Variants in RALGPS1 observed in about 807,000 individuals in gnomAD.
RALGPS1 encodes ras-specific guanine nucleotide-releasing factor RalGPS1.
In RALGPS1, 19 loss-of-function variants were observed where a neutral mutation model predicts 78.8. The ratio of observed to expected loss-of-function variants is 0.24; its 90% CI spans 0.17 to 0.35. The LOEUF (loss-of-function observed/expected upper bound fraction) is 0.35, where lower values mean the gene tolerates loss of function less well. Ranked by LOEUF, RALGPS1 falls within the 10% of genes least tolerant of loss-of-function variation. The pLI is 1.00. For synonymous variants in RALGPS1, 228 were observed against 256.3 expected (o/e 0.89, Z 1.06); for missense variants, 454 against 688.3 (o/e 0.66, Z 3.81).
At chr9:126,991,365 A>G (rs1166716653) in intron 4 of RALGPS1, among the ~76,000 whole-genome samples, 1 of 151,974 alleles carries the variant, frequency 6.6e-6, no homozygotes, top group Admixed American at 6.6e-5. Context: ...TTGATCCAAC[A>G]CTTTGCAACT....
chr9:126,949,686 T>G (rs1213135828), intron 1 of RALGPS1, among the ~76,000 whole-genome samples: 1 of 152,226 alleles, frequency 6.6e-6, no homozygotes, highest in Non-Finnish European at 1.5e-5. Context: ...TAAATTTGTC[T>G]GAGTTCATTG....
intron 4 of RALGPS1, among the ~76,000 whole-genome samples, chr9:127,029,609 T>C (rs902293224): frequency 6.6e-6 from 1 of 152,180 alleles, no homozygotes; most frequent in African/African-American, 2.4e-5. Context: ...GCGTTTTCCA[T>C]GTGGACACGT....
intron 3 of RALGPS1, among the ~76,000 whole-genome samples, chr9:126,966,670 T>A (rs1216033633): frequency 2.6e-5 from 4 of 152,150 alleles, no homozygotes; most frequent in African/African-American, 9.7e-5. Flanking sequence ...GGTTATAGAT[T>A]CCAGGTAATT....
chr9:126,920,102 AG>A lies in RALGPS1; in HGVS notation c.-66+5130del, dbSNP rs140312423. Among the ~76,000 whole-genome samples the A allele has an allele frequency of 5.7e-3, 862 of 152,286 alleles. 28 individuals are homozygous for A. In the East Asian group the frequency reaches 0.082, roughly 14 times the overall value. ...TTTTGCCTGTGTCTCTACTCTGCAC[AG>A]GGAAAGTCTCCTGCTTTCTTTGCTG... On this transcript the variant is annotated intron_variant, in intron 1 of 18. Transcript: ENST00000259351.
In RALGPS1 at chr9:126,927,127, G is replaced by A. The variant is rs559718637; in HGVS notation, c.-66+12152G>A. On this transcript the variant is annotated intron_variant, in intron 1 of 18. Transcript: ENST00000259351. ...TCAGAGTCCTCTGTAGTGTTTGCGG[G>A]GAGGGAGGCTGGTAGTCTTATGTTT... is the stretch of plus-strand genomic sequence containing the variant. 3.1e-4 allele frequency among the ~76,000 whole-genome samples: 47 copies of A among 152,258 alleles called. 1 individual carries two copies. In the South Asian group the frequency reaches 9.5e-3, roughly 31 times the overall value.
rs562936466 is a variant in RALGPS1, at chr9:127,166,114, C to T, written c.656C>T (p.Ala219Val). Residue 219 changes from alanine (A) to valine (V), a missense_variant, in exon 9 of 19, where the codon GCC (alanine) becomes GTC (valine). Physicochemically the swap from Ala to Val is moderately conservative, Grantham distance 64. Transcript: ENST00000259351. ...DLIYIDSAYPASGSIMENEQR... is the reference protein window; with the variant it reads ...DLIYIDSAYPVSGSIMENEQR... Reference sequence around the variant, plus strand: ...ATCTACATTGATTCTGCATATCCTGCCTCAGGCAGTATCATGGAAAATGAA... The same window carrying T: ...ATCTACATTGATTCTGCATATCCTGTCTCAGGCAGTATCATGGAAAATGAA... 1 of 1,612,572 alleles carries T rather than the reference C, an allele frequency of 6.2e-7. No homozygotes were observed. Among genetic ancestry groups the T allele is most frequent in the Admixed American group, 1.7e-5 (1 of 59,634 alleles).
At chr9:127,060,264 A>G (rs1382984287) in intron 7 of RALGPS1, among the ~76,000 whole-genome samples, 1 of 152,144 alleles carries the variant, frequency 6.6e-6, no homozygotes, top group African/African-American at 2.4e-5. Flanking sequence ...TCTGTGAGAA[A>G]TTGTCACCCT....
chr9:126,953,372 TGCGTGTGTGTGTGTGTGTGC>T (rs1248269084), intron 1 of RALGPS1, among the ~76,000 whole-genome samples: 1 of 144,992 alleles, frequency 6.9e-6, no homozygotes, highest in East Asian at 2.4e-4. Context: ...TACACGTGCA[TGCGTGTGTGTGTGTGTGTGC>T]GCGTGTGTGT....
In RALGPS1 at chr9:127,123,714, G is replaced by T. The variant is rs568129846; in HGVS notation, c.611-42355G>T. Among the ~76,000 whole-genome samples the T allele has an allele frequency of 1.5e-4, 23 of 152,302 alleles. No individual in the cohort carries two copies. The East Asian group carries it at 4.2e-3, about 28-fold the overall frequency. ...GAATCAGAGTAAGAAAGGAGAGGAT[G>T]GCACTGGACCCCATGATGCAAGCAT... On this transcript the variant is annotated intron_variant, in intron 8 of 18. Coordinates refer to ENST00000259351, the MANE Select transcript of RALGPS1 (RefSeq NM_014636.3).
At chr9:127,175,726 C>A (rs2059830002) in intron 11 of RALGPS1, among the ~76,000 whole-genome samples, 2 of 146,710 alleles carry the variant, frequency 1.4e-5, no homozygotes, top group Non-Finnish European at 3.0e-5. Context: ...GATGATGAAA[C>A]CTTCCTCCCA....
intron 8 of RALGPS1, among the ~76,000 whole-genome samples, chr9:127,158,986 A>G (rs1269943501): frequency 1.3e-5 from 2 of 152,116 alleles, no homozygotes; most frequent in Non-Finnish European, 2.9e-5. Context: ...AATTTCCCCA[A>G]AAGGAAATCA....
At position 127,024,036 on chromosome 9, in the gene RALGPS1, CAAAA is replaced by C. The variant is rs61549879; in HGVS notation, c.217-10379_217-10376del. Among the ~76,000 whole-genome samples, 227 of 71,656 alleles carry C rather than the reference CAAAA, an allele frequency of 3.2e-3. 3 individuals are homozygous for C. In the Admixed American group the frequency reaches 0.034, roughly 11 times the overall value. The allele number at this position is 71,656 out of a possible 152,430, so 47.0% of individuals were successfully genotyped here. On this transcript the variant is annotated intron_variant, in intron 4 of 18. Transcript: ENST00000259351. ...TGGGTGACAGAGTAAGACTCTGTCTCAAAAAAAAAAAAAAAAAAAGGACAGAAGC... is the reference window on the plus strand; with the variant it reads ...TGGGTGACAGAGTAAGACTCTGTCTCAAAAAAAAAAAAAAAGGACAGAAGC...
intron 4 of RALGPS1, among the ~76,000 whole-genome samples, chr9:126,998,035 AC>A (rs1564389099): frequency 2.0e-5 from 3 of 152,248 alleles, no homozygotes; most frequent in Non-Finnish European, 2.9e-5. Context: ...TGGATTAAAG[AC>A]TTAAATGTTA....
intron 5 of RALGPS1, among the ~76,000 whole-genome samples, chr9:127,038,890 GATTGGTT>G (rs2047067723): frequency 6.6e-6 from 1 of 152,198 alleles, no homozygotes; most frequent in African/African-American, 2.4e-5. Context: ...CTTGGTGATT[GATTGGTT>G]ATGGAGGGAA....
intron 1 of RALGPS1, among the ~76,000 whole-genome samples, chr9:126,944,718 T>C (rs930572701): frequency 6.6e-6 from 1 of 152,184 alleles, no homozygotes; most frequent in Non-Finnish European, 1.5e-5. Flanking sequence ...AGTACTATTA[T>C]GAAATTAATA....
Position 127,220,598 on chromosome 9 carries a change from CTA to C in RALGPS1, c.*1831_*1832del, listed in dbSNP as rs1160293953. On this transcript the variant is annotated 3_prime_UTR_variant, in exon 19 of 19. Coordinates refer to ENST00000259351, the MANE Select transcript of RALGPS1 (RefSeq NM_014636.3). Reference sequence around the variant, plus strand: ...ATGTTGCACCTCATTCTCCCGATGACTATTCAAATCAGCATCTAGAGGCTGAA... The same window carrying C: ...ATGTTGCACCTCATTCTCCCGATGACTTCAAATCAGCATCTAGAGGCTGAA... The C allele has an allele frequency of 6.6e-6, 1 of 152,362 alleles. No individual in the cohort carries two copies. Among genetic ancestry groups the C allele is most frequent in the East Asian group, 1.9e-4 (1 of 5,192 alleles). The allele number at this position is 152,362 out of a possible 1,614,324, so 9.4% of individuals were successfully genotyped here.
intron 6 of RALGPS1, 31 bp from the exon 7 acceptor site, chr9:127,052,816 C>G (rs1232640006): frequency 7.0e-7 from 1 of 1,424,712 alleles, no homozygotes; most frequent in Admixed American, 1.7e-5. Context: ...TTTATAGCAG[C>G]AAAATAATCT....
At chr9:127,184,039 A>T (rs2140237655) in intron 11 of RALGPS1, 3 of 1,548,052 alleles carry the variant, frequency 1.9e-6, no homozygotes, top group Non-Finnish European at 2.6e-6. Flanking sequence ...GAAATGATCA[A>T]GGTCAACCAG....
chr9:127,053,317 G>A (rs2048449996), intron 7 of RALGPS1, among the ~76,000 whole-genome samples: 1 of 152,144 alleles, frequency 6.6e-6, no homozygotes, highest in Admixed American at 6.6e-5. Flanking sequence ...GCTGCCCTGG[G>A]TCACTAGCCA....
Sources: allele counts gnomAD v4.1 joint callset (sites outside exome capture counted in the v4.1 genomes callset), GRCh38; gene constraint gnomAD v4.1.1; transcripts MANE v1.5; gene names NCBI Gene and HGNC (gene_info 2026-07-23, HGNC 2026-07-21).